The following PLCB1 variants were observed in gnomAD, a reference collection of about 807,000 sequenced individuals.
PLCB1 encodes 1-phosphatidylinositol 4,5-bisphosphate phosphodiesterase beta-1.
In PLCB1, 46 loss-of-function variants were observed where a neutral mutation model predicts 161.8. The observed-to-expected ratio is 0.28, with a 90% CI of 0.22 to 0.36. PLCB1 has a LOEUF of 0.36. PLCB1 is among the 10% of genes least tolerant of loss of function. The probability of loss-of-function intolerance (pLI) is 1.00; values close to 1 mark genes in which losing one functional copy is unlikely to be tolerated. For missense variants in PLCB1, 1,016 were observed against 1,472.5 expected, an observed-to-expected ratio of 0.69 and a Z score of 5.07; for synonymous variants, 517 against 503.7, an observed-to-expected ratio of 1.03 and a Z score of -0.35.
At chr20:8,869,100 A>G (rs1438113864) in intron 31 of PLCB1, among the ~76,000 whole-genome samples, 2 of 152,250 alleles carry the variant, frequency 1.3e-5, no homozygotes, top group East Asian at 3.8e-4. Flanking sequence ...ACCCCAGAGC[A>G]CAGGATCTTC....
chr20:8,874,225 TACACACAC>T (rs56986559), intron 31 of PLCB1, among the ~76,000 whole-genome samples: 4 of 132,560 alleles, frequency 3.0e-5, no homozygotes, highest in South Asian at 3.0e-4. Context: ...TATGTGTATG[TACACACAC>T]ACACACACAC....
At chr20:8,632,044 T>TTTG (rs776731257) in intron 4 of PLCB1, among the ~76,000 whole-genome samples, 3,940 of 73,958 alleles carry the variant, frequency 0.053, 132 homozygotes, top group Non-Finnish European at 0.088. Flanking sequence ...GCTTTTTTTT[T>TTTG]TTTTTTTTTT....
chr20:8,748,896 A>C (rs1439460831), intron 23 of PLCB1, among the ~76,000 whole-genome samples: 2 of 152,190 alleles, frequency 1.3e-5, no homozygotes, highest in Non-Finnish European at 2.9e-5. Context: ...TAACCATTTT[A>C]CTGTACATAG....
At chr20:8,585,129 A>G (rs1363840705) in intron 3 of PLCB1, among the ~76,000 whole-genome samples, 1 of 152,076 alleles carries the variant, frequency 6.6e-6, no homozygotes, top group Non-Finnish European at 1.5e-5. Context: ...TGATCCTTGG[A>G]GCTTCGGCTT....
Position 8,554,812 on chromosome 20 carries a change from A to G in PLCB1, c.247-73482A>G, listed in dbSNP as rs916825234. On this transcript the variant is annotated intron_variant, in intron 3 of 31. Coordinates refer to ENST00000338037, the MANE Select transcript of PLCB1 (RefSeq NM_015192.4). ...AGCTTCTGAGTTCTTGCTTAATAAT[A>G]TTAGTATCACCTGTTGCTGTTCTAC... Among the ~76,000 whole-genome samples the G allele has an allele frequency of 2.0e-5, 3 of 152,272 alleles. 1 individual carries two copies. The South Asian group carries it at 6.2e-4, about 32-fold the overall frequency.
intron 31 of PLCB1, among the ~76,000 whole-genome samples, chr20:8,844,934 C>A (rs1438345710): frequency 7.2e-5 from 11 of 151,858 alleles, no homozygotes; most frequent in Non-Finnish European, 1.5e-4. Flanking sequence ...CATGGTGAAA[C>A]CCCATCTCTA....
chr20:8,734,296 A>G (rs1215420478), intron 19 of PLCB1, among the ~76,000 whole-genome samples: 2 of 151,976 alleles, frequency 1.3e-5, no homozygotes, highest in Non-Finnish European at 2.9e-5. Flanking sequence ...CTAACCTACT[A>G]TGAAATTTAC....
At chr20:8,625,364 G>A (rs2123208786) in intron 3 of PLCB1, 1 of 152,234 alleles carries the variant, frequency 6.6e-6, no homozygotes, top group South Asian at 2.1e-4. Flanking sequence ...GCTCAACAAA[G>A]AGCTGCATTC....
chr20:8,239,097 G>A lies in PLCB1; in HGVS notation c.177+88726G>A, dbSNP rs1262389491. Reference sequence around the variant, plus strand: ...GAAAGAACCCTAAGTGAAAGCAGGAGGAGATTGGAGCAGTATACCAGGACC... The same window carrying A: ...GAAAGAACCCTAAGTGAAAGCAGGAAGAGATTGGAGCAGTATACCAGGACC... On this transcript the variant is annotated intron_variant, in intron 2 of 31. Coordinates refer to ENST00000338037, the MANE Select transcript of PLCB1 (RefSeq NM_015192.4). Among the ~76,000 whole-genome samples the A allele has an allele frequency of 2.0e-5, 3 of 152,008 alleles. No individual in the cohort carries two copies. The East Asian group carries it at 5.8e-4, about 29-fold the overall frequency.
At chr20:8,568,232 A>G (rs769058418) in intron 3 of PLCB1, among the ~76,000 whole-genome samples, 2 of 152,202 alleles carry the variant, frequency 1.3e-5, no homozygotes, top group Non-Finnish European at 2.9e-5. Context: ...TTAAAATATG[A>G]AACATTCCTA....
intron 2 of PLCB1, among the ~76,000 whole-genome samples, chr20:8,207,797 T>G (rs1389923082): frequency 6.6e-6 from 1 of 152,086 alleles, no homozygotes; most frequent in Non-Finnish European, 1.5e-5. Context: ...TCCAGGCTGA[T>G]CTCAAATTTC....
At chr20:8,646,652 T>C (rs916593389) in intron 5 of PLCB1, among the ~76,000 whole-genome samples, 1 of 152,076 alleles carries the variant, frequency 6.6e-6, no homozygotes, top group Non-Finnish European at 1.5e-5. Flanking sequence ...TTCCATCCCA[T>C]GTAGATGATC....
intron 19 of PLCB1, among the ~76,000 whole-genome samples, chr20:8,736,797 T>C (rs978797592): frequency 3.9e-5 from 6 of 152,112 alleles, no homozygotes; most frequent in Admixed American, 2.0e-4. Context: ...CCTCCCCAAA[T>C]ATGTGAGGAT....
At chr20:8,567,792 C>T in intron 3 of PLCB1, among the ~76,000 whole-genome samples, 1 of 152,118 alleles carries the variant, frequency 6.6e-6, no homozygotes, top group East Asian at 1.9e-4. Flanking sequence ...TATGTTCCTT[C>T]TCTACTTAAA....
intron 31 of PLCB1, among the ~76,000 whole-genome samples, chr20:8,830,414 G>A (rs1231441643): frequency 1.3e-5 from 2 of 152,228 alleles, no homozygotes; most frequent in African/African-American, 4.8e-5. Flanking sequence ...CTCTTTGCAT[G>A]TGATGTGGAA....
intron 13 of PLCB1, among the ~76,000 whole-genome samples, chr20:8,717,060 T>C (rs927145363): frequency 6.6e-6 from 1 of 152,244 alleles, no homozygotes; most frequent in African/African-American, 2.4e-5. Context: ...GAAATTGATT[T>C]TCCCGTTAGA....
intron 3 of PLCB1, among the ~76,000 whole-genome samples, chr20:8,540,447 A>G (rs1170274634): frequency 1.3e-5 from 2 of 152,104 alleles, no homozygotes; most frequent in Non-Finnish European, 2.9e-5. Flanking sequence ...CATCTTGCAT[A>G]TTTTAGAAGA....
chr20:8,814,076 A>G (rs1243435250), intron 31 of PLCB1, among the ~76,000 whole-genome samples: 1 of 152,134 alleles, frequency 6.6e-6, no homozygotes, highest in African/African-American at 2.4e-5. Flanking sequence ...TTTTTATTTA[A>G]ATTTTGTGCC....
At chr20:8,795,805 G>A (rs1278086664) in intron 31 of PLCB1, among the ~76,000 whole-genome samples, 2 of 151,734 alleles carry the variant, frequency 1.3e-5, no homozygotes, top group East Asian at 3.9e-4. Flanking sequence ...AACCCGGGAG[G>A]CGGAGGTTGC....
Sources: gnomAD v4.1 joint callset for allele counts (sites outside exome capture counted in the v4.1 genomes callset) on GRCh38, gnomAD v4.1.1 for gene constraint, MANE v1.5 for transcripts, NCBI Gene and HGNC (gene_info 2026-07-23, HGNC 2026-07-21) for gene names.